IL1RAPL1: variants seen among roughly 807,000 people sequenced by gnomAD.
IL1RAPL1 encodes interleukin 1 receptor accessory protein like 1.
A neutral mutation model predicts 48.4 loss-of-function variants in IL1RAPL1; 3 were observed. The observed-to-expected ratio is 0.06, with a 90% CI of 0.03 to 0.16. The LOEUF is 0.16. IL1RAPL1 is among the 10% of genes least tolerant of loss of function. The pLI, the probability that IL1RAPL1 is intolerant of heterozygous loss-of-function variation, is 1.00. For missense variants in IL1RAPL1, 349 were observed against 530.6 expected (o/e 0.66, Z 3.36); for synonymous variants, 185 against 187.7 (o/e 0.99, Z 0.12).
At chrX:29,553,611 A>G (rs1318209814) in intron 5 of IL1RAPL1, among the ~76,000 whole-genome samples, 1 of 111,725 alleles carries the variant, frequency 9.0e-6, no homozygotes, top group African/African-American at 3.3e-5. Context: ...TTGGGAAAAT[A>G]TTCTTCTTTC....
At chrX:29,601,339 A>G (rs1369618497) in intron 5 of IL1RAPL1, among the ~76,000 whole-genome samples, 1 of 112,207 alleles carries the variant, frequency 8.9e-6, no homozygotes, top group Non-Finnish European at 1.9e-5. Flanking sequence ...GTATTAGTTG[A>G]TGAACATTAA....
intron 3 of IL1RAPL1, among the ~76,000 whole-genome samples, chrX:29,301,111 T>C (rs1569280172): frequency 1.8e-5 from 2 of 111,905 alleles, no homozygotes. Context: ...GTTTTTGTAA[T>C]TGCCGTAATT....
At chrX:29,563,399 A>C (rs1275147560) in intron 5 of IL1RAPL1, among the ~76,000 whole-genome samples, 1 of 111,915 alleles carries the variant, frequency 8.9e-6, no homozygotes, top group Non-Finnish European at 1.9e-5. Flanking sequence ...CTTAGAGATG[A>C]TATACCTAGT....
At chrX:28,771,236 T>C (rs1367298909) in intron 1 of IL1RAPL1, among the ~76,000 whole-genome samples, 1 of 111,839 alleles carries the variant, frequency 8.9e-6, no homozygotes, top group Non-Finnish European at 1.9e-5. Context: ...ACGATTGCAT[T>C]CTCAAAGTCT....
At chrX:29,806,236 C>T (rs371084528) in intron 6 of IL1RAPL1, among the ~76,000 whole-genome samples, 3 of 111,919 alleles carry the variant, frequency 2.7e-5, no homozygotes, top group East Asian at 5.6e-4. Flanking sequence ...TGCACACACA[C>T]ACACTTAGAA....
intron 3 of IL1RAPL1, 118 bp from the exon 4 acceptor site, chrX:29,396,140 T>C: frequency 1.8e-6 from 1 of 559,183 alleles, no homozygotes; most frequent in Non-Finnish European, 3.0e-6. Context: ...CAAGATACCA[T>C]AAAATTAGTT....
chrX:29,562,062 ATCTATCTATCTATCTATCTAATCTATCTG>A lies in IL1RAPL1; in HGVS notation c.704-106347_704-106319del, dbSNP rs1479615211. On this transcript the variant is annotated intron_variant, in intron 5 of 10. Transcript: ENST00000378993. Reference sequence around the variant, plus strand: ...TATCTATCTATCTATCTATCTATCTATCTATCTATCTATCTATCTAATCTATCTGTCTATCTATCTATCTATCTATCTAA... The same window carrying A: ...TATCTATCTATCTATCTATCTATCTATCTATCTATCTATCTATCTATCTAA... Among the ~76,000 whole-genome samples, 477 of 104,046 alleles carry A rather than the reference ATCTATCTATCTATCTATCTAATCTATCTG, an allele frequency of 4.6e-3. 10 individuals carry two copies. Among genetic ancestry groups the A allele is most frequent in the African/African-American group, 0.016 (437 of 26,701 alleles). The allele number at this position is 104,046 out of a possible 115,157, so 90.4% of individuals were successfully genotyped here.
At chrX:29,313,276 TGTGTGTGTGTGC>T (rs1170857452) in intron 3 of IL1RAPL1, among the ~76,000 whole-genome samples, 137 of 82,759 alleles carry the variant, frequency 1.7e-3, no homozygotes, top group African/African-American at 4.3e-3. Flanking sequence ...TGTGTGTGTG[TGTGTGTGTGTGC>T]GCGCGCACAT....
intron 6 of IL1RAPL1, among the ~76,000 whole-genome samples, chrX:29,711,300 C>G (rs1445395198): frequency 9.4e-6 from 1 of 106,237 alleles, no homozygotes; most frequent in Non-Finnish European, 1.9e-5. Context: ...TCTCCTGTCC[C>G]AGCCTCCTGA....
intron 1 of IL1RAPL1, among the ~76,000 whole-genome samples, chrX:28,768,753 C>CTATA (rs1190280943): frequency 5.7e-3 from 302 of 53,422 alleles, no homozygotes; most frequent in African/African-American, 0.01. Flanking sequence ...CTCTCTCTCT[C>CTATA]TCTATATATA....
chrX:28,629,737 A>G (rs1413284659), intron 1 of IL1RAPL1, among the ~76,000 whole-genome samples: 1 of 111,463 alleles, frequency 9.0e-6, no homozygotes, highest in Non-Finnish European at 1.9e-5. Flanking sequence ...ACTTAAATCT[A>G]CATCCATTTT....
chrX:28,799,434 T>C (rs1936649256), intron 2 of IL1RAPL1, among the ~76,000 whole-genome samples: 1 of 112,714 alleles, frequency 8.9e-6, no homozygotes, highest in Non-Finnish European at 1.9e-5. Context: ...GTTGGGCCTC[T>C]GATTTGATAG....
chrX:28,783,986 A>G (rs1280921695), intron 1 of IL1RAPL1, among the ~76,000 whole-genome samples: 2 of 111,824 alleles, frequency 1.8e-5, no homozygotes, highest in Non-Finnish European at 3.8e-5. Flanking sequence ...AGTATTTAGA[A>G]CAGCATCTGC....
At chrX:29,293,082 C>T (rs749020140) in intron 3 of IL1RAPL1, among the ~76,000 whole-genome samples, 4 of 111,340 alleles carry the variant, frequency 3.6e-5, no homozygotes, top group East Asian at 2.8e-4. Context: ...GTCTGAGACA[C>T]GAAGACATTT....
chrX:28,990,819 T>G (rs1206565965), intron 2 of IL1RAPL1, among the ~76,000 whole-genome samples: 1 of 111,811 alleles, frequency 8.9e-6, no homozygotes, highest in African/African-American at 3.3e-5. Context: ...TTTGTACTGC[T>G]TTCATATAAA....
intron 2 of IL1RAPL1, among the ~76,000 whole-genome samples, chrX:28,829,559 T>A (rs1306412765): frequency 1.4e-4 from 3 of 21,195 alleles, no homozygotes; most frequent in African/African-American, 1.3e-3. Context: ...GGTGCTGGAA[T>A]TTTTTTTTTT....
chrX:29,732,810 A>G (rs749607840), intron 6 of IL1RAPL1, among the ~76,000 whole-genome samples: 12 of 112,302 alleles, frequency 1.1e-4, no homozygotes, highest in African/African-American at 3.2e-4. Context: ...AACGCTTAGT[A>G]GTGACATCTA....
intron 3 of IL1RAPL1, among the ~76,000 whole-genome samples, chrX:29,341,965 C>T (rs983017511): frequency 1.8e-5 from 2 of 110,070 alleles, no homozygotes; most frequent in African/African-American, 3.3e-5. Flanking sequence ...CCTGCTACCA[C>T]GTACGGCTAA....
chrX:29,311,710 T>C (rs1932727921), intron 3 of IL1RAPL1, among the ~76,000 whole-genome samples: 1 of 112,219 alleles, frequency 8.9e-6, no homozygotes, highest in African/African-American at 3.2e-5. Flanking sequence ...AAAATTTATT[T>C]ATTTTTCTTT....
Sources: allele counts gnomAD v4.1 joint callset (sites outside exome capture counted in the v4.1 genomes callset), GRCh38; gene constraint gnomAD v4.1.1; transcripts MANE v1.5; gene names NCBI Gene and HGNC (gene_info 2026-07-23, HGNC 2026-07-21).